SIPA1L1: variants seen among roughly 807,000 people sequenced by gnomAD.
The protein encoded by SIPA1L1 is signal-induced proliferation-associated 1-like protein 1.
In SIPA1L1, 26 loss-of-function variants were observed where a neutral mutation model predicts 162.7. That is an observed-to-expected ratio of 0.16 (90% confidence interval 0.12 to 0.22). SIPA1L1 has a LOEUF of 0.22. Ranked by LOEUF, SIPA1L1 falls within the 10% of genes least tolerant of loss-of-function variation. SIPA1L1 has a pLI of 1.00. For synonymous variants in SIPA1L1, 829 were observed against 837.4 expected (o/e 0.99, Z 0.17); for missense variants, 1,874 against 2,241.0 (o/e 0.84, Z 3.31).
chr14:71,475,963 TTCC>T (rs1273638381), intron 2 of SIPA1L1, among the ~76,000 whole-genome samples: 5 of 152,240 alleles, frequency 3.3e-5, no homozygotes, highest in Admixed American at 2.6e-4. Context: ...TTGAGAGCTG[TTCC>T]TCACTTTCAT....
intron 13 of SIPA1L1, among the ~76,000 whole-genome samples, chr14:71,695,567 T>C (rs1353972683): frequency 6.6e-6 from 1 of 152,238 alleles, no homozygotes; most frequent in Non-Finnish European, 1.5e-5. Flanking sequence ...TGGAATTATG[T>C]TGTAACTTCC....
At chr14:71,710,121 C>T (rs1049183681) in intron 17 of SIPA1L1, among the ~76,000 whole-genome samples, 1 of 152,198 alleles carries the variant, frequency 6.6e-6, no homozygotes, top group South Asian at 2.1e-4. Flanking sequence ...CCTCTCAAGC[C>T]GAGAACCTCA....
chr14:71,513,760 G>C (rs2051412485), intron 3 of SIPA1L1, among the ~76,000 whole-genome samples: 1 of 152,262 alleles, frequency 6.6e-6, no homozygotes, highest in Non-Finnish European at 1.5e-5. Flanking sequence ...AAGGACAGGG[G>C]TTACAGGAGT....
At chr14:71,371,996 C>G (rs2038935485) in intron 2 of SIPA1L1, among the ~76,000 whole-genome samples, 1 of 152,188 alleles carries the variant, frequency 6.6e-6, no homozygotes, top group African/African-American at 2.4e-5. Context: ...ATGGTTGAAA[C>G]AAATCTGATG....
chr14:71,335,491 CA>C (rs2035000337), intron 2 of SIPA1L1, among the ~76,000 whole-genome samples: 1 of 152,186 alleles, frequency 6.6e-6, no homozygotes, highest in African/African-American at 2.4e-5. Flanking sequence ...GGTCCTGACA[CA>C]TGCAGTGAAT....
In SIPA1L1 at chr14:71,326,715, C is replaced by CTT. The variant is rs34173331; in HGVS notation, c.-465+5553_-465+5554dup. 9.3e-4 allele frequency among the ~76,000 whole-genome samples: 100 copies of CTT among 107,426 alleles called. 1 individual carries two copies. The highest frequency in any genetic ancestry group is 5.6e-3 in the Middle Eastern group (1 of 180). 70.5% of individuals were successfully genotyped at this position (107,426 alleles called of 152,430 possible). A position where few individuals can be genotyped will look rare whatever the true frequency, so the allele number is the denominator to read the frequency against. On this transcript the variant is annotated intron_variant, in intron 2 of 23. Coordinates refer to ENST00000381232, the MANE Select transcript of SIPA1L1 (RefSeq NM_001386936.1). ...TTATCTAGATAGGAAATGTAATTTG[C>CTT]TTTTTTTTTTTTTTTTTTTTGAGAT...
chr14:71,356,040 C>G (rs560354329), intron 2 of SIPA1L1, among the ~76,000 whole-genome samples: 100 of 152,272 alleles, frequency 6.6e-4, no homozygotes, highest in African/African-American at 2.4e-3. Context: ...TGGAACAAGC[C>G]TGCTGAGGAG....
At chr14:71,371,598 C>T (rs2038896753) in intron 2 of SIPA1L1, among the ~76,000 whole-genome samples, 1 of 152,034 alleles carries the variant, frequency 6.6e-6, no homozygotes, top group Admixed American at 6.6e-5. Context: ...CAGGGTTTCA[C>T]CCTGTTGTCC....
chr14:71,332,157 A>C (rs1355522872), intron 2 of SIPA1L1, among the ~76,000 whole-genome samples: 1 of 152,198 alleles, frequency 6.6e-6, no homozygotes, highest in Non-Finnish European at 1.5e-5. Flanking sequence ...AAGGTATTTG[A>C]ATGGTGACCA....
chr14:71,614,142 C>T (rs1211751845), intron 5 of SIPA1L1, among the ~76,000 whole-genome samples: 2 of 151,462 alleles, frequency 1.3e-5, no homozygotes, highest in African/African-American at 4.9e-5. Context: ...CCTTTTAACC[C>T]AGGAGGCGGA....
intron 13 of SIPA1L1, among the ~76,000 whole-genome samples, chr14:71,691,424 T>C (rs575401792): frequency 6.6e-6 from 1 of 152,098 alleles, no homozygotes; most frequent in East Asian, 1.9e-4. Flanking sequence ...AGACCCCGTA[T>C]CTACAAAAAA....
chr14:71,710,993 T>G (rs1011009983), intron 17 of SIPA1L1, among the ~76,000 whole-genome samples: 29 of 152,162 alleles, frequency 1.9e-4, no homozygotes, highest in Non-Finnish European at 2.4e-4. Flanking sequence ...AAGTATTTTG[T>G]TTTCTCATGG....
intron 2 of SIPA1L1, among the ~76,000 whole-genome samples, chr14:71,376,344 C>A (rs1257545735): frequency 2.0e-5 from 3 of 150,214 alleles, no homozygotes; most frequent in African/African-American, 7.3e-5. Flanking sequence ...CTCTTATAAT[C>A]TTCTTTTTTT....
chr14:71,671,767 A>G (rs45440200), intron 11 of SIPA1L1, 75 bp downstream of exon 11: 62,651 of 1,122,880 alleles, frequency 0.056, 2,083 homozygotes, highest in East Asian at 0.087. Flanking sequence ...GAGCCAAGTT[A>G]CTGAACCTTG....
intron 16 of SIPA1L1, among the ~76,000 whole-genome samples, chr14:71,708,017 TTTTTTTTTTTTG>T (rs2082589410): frequency 8.8e-5 from 2 of 22,672 alleles, no homozygotes; most frequent in African/African-American, 1.3e-3. Flanking sequence ...TTTTTGGTGT[TTTTTTTTTTTTG>T]TTTTTTTTTT....
intron 2 of SIPA1L1, among the ~76,000 whole-genome samples, chr14:71,372,856 A>G (rs1404513395): frequency 6.6e-6 from 1 of 152,226 alleles, no homozygotes; most frequent in African/African-American, 2.4e-5. Flanking sequence ...AAATTGCTCC[A>G]GAGGATGGAG....
At chr14:71,715,324 A>G (rs1259376450) in intron 17 of SIPA1L1, among the ~76,000 whole-genome samples, 2 of 152,228 alleles carry the variant, frequency 1.3e-5, no homozygotes, top group African/African-American at 2.4e-5. Context: ...CATATTGGCC[A>G]TGGAATACAC....
chr14:71,335,532 A>G (rs1161170339), intron 2 of SIPA1L1, among the ~76,000 whole-genome samples: 3 of 152,202 alleles, frequency 2.0e-5, no homozygotes, highest in Admixed American at 6.5e-5. Flanking sequence ...CTAAGTAAGT[A>G]TGGTAACCGT....
Position 71,577,335 on chromosome 14 carries a change from A to G in SIPA1L1, c.-302-10236A>G, listed in dbSNP as rs535239531. Among the ~76,000 whole-genome samples the G allele has an allele frequency of 1.6e-4, 24 of 151,188 alleles. No individual in the cohort carries two copies. The East Asian group carries it at 3.5e-3, about 22-fold the overall frequency. ...TTTTTCTACCATAAATTTTGTAACC[A>G]CTAGCCCAGTATTGAGAGAGAGCCT... On this transcript the variant is annotated intron_variant, in intron 4 of 23. Transcript: ENST00000381232.
Sources: gnomAD v4.1 joint callset for allele counts (sites outside exome capture counted in the v4.1 genomes callset) on GRCh38, gnomAD v4.1.1 for gene constraint, MANE v1.5 for transcripts, NCBI Gene and HGNC (gene_info 2026-07-23, HGNC 2026-07-21) for gene names.